The following CD69 variants were observed in gnomAD, a reference collection of about 807,000 sequenced individuals.
The protein encoded by CD69 is CD69 molecule, also known as early activation antigen CD69.
Under a neutral mutation model 21.4 loss-of-function variants are expected in CD69, and 10 were observed. That is an observed-to-expected ratio of 0.47 (90% confidence interval 0.29 to 0.79). CD69 has a LOEUF of 0.79. CD69 is among the 30% of genes least tolerant of loss of function. The pLI is 0.09. For missense variants in CD69, 204 were observed against 236.9 expected (o/e 0.86, Z 0.91); for synonymous variants, 63 against 78.2 (o/e 0.81, Z 1.03).
Position 9,753,575 on chromosome 12 carries a change from C to G in CD69, c.506G>C (p.Gly169Ala), listed in dbSNP as rs186153487. The G allele has an allele frequency of 5.2e-6, 8 of 1,543,918 alleles. No homozygotes were observed. In the East Asian group the frequency reaches 1.8e-4, roughly 35 times the overall value. The part of the protein sequence containing the change: ...KEFNNWFNVT[G>A]SDKCVFLKNT... ...TTTCAGAAAAACACACTTGTCAGACCCTGTAACGTTGAACCTGTCAAACAA... is the reference window on the plus strand; with the variant it reads ...TTTCAGAAAAACACACTTGTCAGACGCTGTAACGTTGAACCTGTCAAACAA... The change falls in exon 5 of 5, where the codon GGG (glycine) becomes GCG (alanine). Residue 169 changes from glycine (G) to alanine (A), a missense_variant. By Grantham distance (60) the Gly-to-Ala change is moderately conservative. Transcript: ENST00000228434.
At chr12:9,754,720 A>G (rs773433527) in intron 3 of CD69, 30 bp from the exon 4 acceptor site, 1 of 1,315,296 alleles carries the variant, frequency 7.6e-7, no homozygotes, top group African/African-American at 1.4e-5. Flanking sequence ...AGTTTGTTAC[A>G]TTAAACACCC....
rs772126426 is a variant in CD69, at chr12:9,756,435, T to G, written c.65-16A>C. The G allele has an allele frequency of 6.2e-7, 1 of 1,610,464 alleles. No individual in the cohort carries two copies. Among genetic ancestry groups the G allele is most frequent in the South Asian group, 1.1e-5 (1 of 90,662 alleles). On this transcript the variant is annotated splice_polypyrimidine_tract_variant and intron_variant, in intron 1 of 4. Coordinates refer to ENST00000228434, the MANE Select transcript of CD69 (RefSeq NM_001781.2). Reference sequence around the variant, plus strand: ...GTGGCATCATCTGGAAGGGAGAAAGTTGATGATGAGTTCAGGCAGACTATA... The same window carrying G: ...GTGGCATCATCTGGAAGGGAGAAAGGTGATGATGAGTTCAGGCAGACTATA...
At chr12:9,757,887 A>T (rs1361014913) in intron 1 of CD69, among the ~76,000 whole-genome samples, 1 of 152,254 alleles carries the variant, frequency 6.6e-6, no homozygotes, top group Admixed American at 6.5e-5. Context: ...CGAGCTGTGC[A>T]TTCATCGTAT....
At chr12:9,758,025 A>AT (rs1396478249) in intron 1 of CD69, among the ~76,000 whole-genome samples, 1 of 151,572 alleles carries the variant, frequency 6.6e-6, no homozygotes, top group African/African-American at 2.4e-5. Context: ...AAGTTATTTC[A>AT]TTTACCCTCT....
chr12:9,754,962 T>G, intron 3 of CD69, 100 bp downstream of exon 3: 1 of 949,958 alleles, frequency 1.1e-6, no homozygotes, highest in Non-Finnish European at 1.6e-6. Context: ...AGGTACAATG[T>G]TTGTTTGTTT....
At chr12:9,755,040 T>A in intron 3 of CD69, 22 bp downstream of exon 3, 2 of 1,598,034 alleles carry the variant, frequency 1.3e-6, no homozygotes, top group Non-Finnish European at 8.6e-7. Context: ...ATAGTAGTAT[T>A]TTATCTTTTT....
chr12:9,753,784 T>C (rs1159002912), intron 4 of CD69, among the ~76,000 whole-genome samples, 195 bp from the exon 5 acceptor site: 2 of 152,182 alleles, frequency 1.3e-5, no homozygotes, highest in East Asian at 1.9e-4. Context: ...AGAAAAAATA[T>C]GGAAGTAAGA....
chr12:9,755,261 A>G lies in CD69; in HGVS notation c.188T>C (p.Val63Ala). ...ILIIALIALS[V>A]GQYNCPGQYT... is the part of the protein sequence containing the mutation. The stretch of plus-strand genomic sequence containing the variant: ...TTGGCCTGGACAATTGTATTGGCCC[A>G]CTGTGAACAGAAAAATGCTTTGTTT... The change falls in exon 3 of 5, where the codon GTG becomes GCG. Residue 63 changes from valine (V) to alanine (A), a missense_variant and splice_region_variant. Physicochemically the swap from Val to Ala is moderately conservative, Grantham distance 64. Coordinates refer to ENST00000228434, the MANE Select transcript of CD69 (RefSeq NM_001781.2). 1.2e-6 allele frequency: 2 copies of G among 1,613,142 alleles called. No individual in the cohort carries two copies. Among genetic ancestry groups the G allele is most frequent in the Middle Eastern group, 1.6e-4 (1 of 6,062 alleles).
At position 9,757,028 on chromosome 12, in the gene CD69, G is replaced by A. The variant is rs139872391; in HGVS notation, c.65-609C>T. Among the ~76,000 whole-genome samples, 65 of 152,050 alleles carry A rather than the reference G, an allele frequency of 4.3e-4. 1 individual carries two copies. In the East Asian group the frequency reaches 0.012, roughly 28 times the overall value. On this transcript the variant is annotated intron_variant, in intron 1 of 4. Transcript: ENST00000228434. ...CTGGGAGGCAGAGGTTGCTGTGAGC[G>A]GAGATTGCACCACTGCACTCTAACC...
chr12:9,760,687 C>T, intron 1 of CD69, 70 bp downstream of exon 1: 1 of 1,091,236 alleles, frequency 9.2e-7, no homozygotes, highest in Admixed American at 1.7e-5. Flanking sequence ...ACCAGTATAT[C>T]TTGTATAACT....
chr12:9,754,774 AC>A, intron 3 of CD69, 84 bp from the exon 4 acceptor site: 1 of 908,570 alleles, frequency 1.1e-6, no homozygotes. Context: ...AAAAGCTGCA[AC>A]TTGAGGCATG....
At chr12:9,755,469 G>C (rs1160543519) in intron 2 of CD69, among the ~76,000 whole-genome samples, 1 of 152,212 alleles carries the variant, frequency 6.6e-6, no homozygotes. Context: ...ATTGGATGGA[G>C]ATATGAGGAT....
In CD69 at chr12:9,753,524, C is replaced by G; in HGVS notation, c.557G>C (p.Cys186Ser). The G allele has an allele frequency of 6.3e-7, 1 of 1,581,248 alleles. No homozygotes were observed. Among genetic ancestry groups the G allele is most frequent in the Non-Finnish European group, 8.7e-7 (1 of 1,151,346 alleles). ...ACATATCCAGTATAAATTCTTCTCA[C>G]ATTCCATGCTGCTGACCTCTGTGTT... ...LKNTEVSSME[C>S]EKNLYWICNK... Residue 186 changes from cysteine (C) to serine (S), a missense_variant, in exon 5 of 5, where the codon TGT (cysteine) becomes TCT (serine). By Grantham distance (112) the Cys-to-Ser change is moderately radical. Coordinates refer to ENST00000228434, the MANE Select transcript of CD69 (RefSeq NM_001781.2).
chr12:9,753,545 G>T lies in CD69; in HGVS notation c.536C>A (p.Thr179Lys). Reference sequence around the variant, plus strand: ...CTCACATTCCATGCTGCTGACCTCTGTGTTTTTCAGAAAAACACACTTGTC... The same window carrying T: ...CTCACATTCCATGCTGCTGACCTCTTTGTTTTTCAGAAAAACACACTTGTC... ...GSDKCVFLKN[T>K]EVSSMECEKN... The change falls in exon 5 of 5, where the codon ACA becomes AAA. Residue 179 changes from threonine (T) to lysine (K), a missense_variant. Transcript: ENST00000228434. The T allele has an allele frequency of 1.3e-6, 2 of 1,588,748 alleles. No homozygotes were observed. Among genetic ancestry groups the T allele is most frequent in the Non-Finnish European group, 1.7e-6 (2 of 1,159,330 alleles).
At position 9,753,603 on chromosome 12, in the gene CD69, A is replaced by G. The variant is rs995864086; in HGVS notation, c.492-14T>C. ...GTAACGTTGAACCTGTCAAACAATA[A>G]AAAAACTTAGAATTATTTTCAGCTC... On this transcript the variant is annotated splice_polypyrimidine_tract_variant and intron_variant, in intron 4 of 4. Transcript: ENST00000228434. 2 of 1,264,374 alleles carry G rather than the reference A, an allele frequency of 1.6e-6. No homozygotes were observed. The highest frequency in any genetic ancestry group is 2.3e-6 in the Non-Finnish European group (2 of 880,696). The allele number at this position is 1,264,374 out of a possible 1,614,324, so 78.3% of individuals were successfully genotyped here. A position where few individuals can be genotyped will look rare whatever the true frequency, so the allele number is the denominator to read the frequency against.
At chr12:9,754,448 A>C in intron 4 of CD69, 139 bp downstream of exon 4, 1 of 603,688 alleles carries the variant, frequency 1.7e-6, no homozygotes, top group Non-Finnish European at 3.0e-6. Context: ...AGAATTCCAG[A>C]GTATACGCAT....
chr12:9,756,484 A>T, intron 1 of CD69, 65 bp from the exon 2 acceptor site: 9 of 1,327,622 alleles, frequency 6.8e-6, no homozygotes, highest in Non-Finnish European at 7.2e-6. Flanking sequence ...AATATGCAAC[A>T]TTCTTTTGAG....
chr12:9,759,077 C>G (rs757397882), intron 1 of CD69, among the ~76,000 whole-genome samples: 1 of 152,072 alleles, frequency 6.6e-6, no homozygotes, highest in Non-Finnish European at 1.5e-5. Context: ...CTACAGGCGC[C>G]CGCCCCCACG....
At chr12:9,755,409 G>C in intron 2 of CD69, 148 bp from the exon 3 acceptor site, 1 of 651,844 alleles carries the variant, frequency 1.5e-6, no homozygotes, top group Non-Finnish European at 2.7e-6. Context: ...AGGGTATGAA[G>C]AAAGAAAGTT....
Sources: gnomAD v4.1 joint callset for allele counts (sites outside exome capture counted in the v4.1 genomes callset) on GRCh38, gnomAD v4.1.1 for gene constraint, MANE v1.5 for transcripts, NCBI Gene and HGNC (gene_info 2026-07-23, HGNC 2026-07-21) for gene names.